The following RBFOX1 variants were observed in gnomAD, a reference collection of about 807,000 sequenced individuals.
RBFOX1 encodes the protein RNA binding fox-1 homolog 1, also known as RNA binding protein fox-1 homolog 1.
In RBFOX1, 8 loss-of-function variants were observed where a neutral mutation model predicts 57.7. That is an observed-to-expected ratio of 0.14 (90% CI 0.08 to 0.25). The LOEUF (loss-of-function observed/expected upper bound fraction) is 0.25. Ranked by LOEUF, RBFOX1 falls within the 10% of genes least tolerant of loss-of-function variation. RBFOX1 has a pLI of 1.00. For missense variants in RBFOX1, 611 were observed against 548.5 expected (o/e 1.11, Z -1.14); for synonymous variants, 326 against 222.4 (o/e 1.47, Z -4.15).
At chr16:7,537,765 A>T (rs1323771132) in intron 5 of RBFOX1, among the ~76,000 whole-genome samples, 3 of 152,214 alleles carry the variant, frequency 2.0e-5, no homozygotes, top group South Asian at 2.1e-4. Context: ...GAGACTAAGC[A>T]AACCCCGCCT....
chr16:6,370,241 C>T (rs2152890903), intron 2 of RBFOX1, among the ~76,000 whole-genome samples: 1 of 151,634 alleles, frequency 6.6e-6, no homozygotes, highest in African/African-American at 2.4e-5. Context: ...GGCTGTAGTC[C>T]CAGCTACTGG....
At chr16:6,736,002 CT>C (rs142024943) in intron 3 of RBFOX1, among the ~76,000 whole-genome samples, 151,750 of 151,754 alleles carry the variant, frequency 1, 75,873 homozygotes, top group Middle Eastern at 1. Context: ...GGGTAATTAA[CT>C]TCTTCTTTTT....
intron 4 of RBFOX1, among the ~76,000 whole-genome samples, chr16:7,152,305 T>C (rs191949799): frequency 1.5e-3 from 229 of 152,268 alleles, no homozygotes; most frequent in Admixed American, 1.8e-3. Flanking sequence ...GAAAGAGAGA[T>C]GTTGCTACCA....
At chr16:6,333,989 G>A (rs1307112895) in intron 2 of RBFOX1, among the ~76,000 whole-genome samples, 3 of 152,104 alleles carry the variant, frequency 2.0e-5, no homozygotes, top group African/African-American at 4.8e-5. Context: ...TTCTTTTTTG[G>A]TGGGGGTAGG....
intron 2 of RBFOX1, among the ~76,000 whole-genome samples, chr16:5,547,426 A>G (rs1050596562): frequency 6.6e-6 from 1 of 152,240 alleles, no homozygotes; most frequent in African/African-American, 2.4e-5. Flanking sequence ...ATGCAGCAGT[A>G]AAAAGGAATG....
chr16:5,437,067 G>C (rs1051085399), intron 1 of RBFOX1, among the ~76,000 whole-genome samples: 2 of 152,178 alleles, frequency 1.3e-5, no homozygotes, highest in African/African-American at 2.4e-5. Flanking sequence ...CTCATATCTA[G>C]AGTGTAGACT....
chr16:7,234,564 G>A (rs1346213196), intron 4 of RBFOX1, among the ~76,000 whole-genome samples: 1 of 150,660 alleles, frequency 6.6e-6, no homozygotes, highest in Non-Finnish European at 1.5e-5. Flanking sequence ...GAAGTCTTCT[G>A]TTGCAAATGA....
At chr16:6,444,424 T>C (rs1429150102) in intron 2 of RBFOX1, among the ~76,000 whole-genome samples, 2 of 152,114 alleles carry the variant, frequency 1.3e-5, no homozygotes, top group Non-Finnish European at 1.5e-5. Flanking sequence ...TGGGAGGGAA[T>C]TGAATCATGG....
intron 1 of RBFOX1, among the ~76,000 whole-genome samples, chr16:6,122,357 AACACACACACACACAC>A (rs61531585): frequency 1.8e-4 from 26 of 145,454 alleles, no homozygotes; most frequent in East Asian, 1.0e-3. Flanking sequence ...CTAAAAGATA[AACACACACACACACAC>A]ACACACACAC....
chr16:5,751,432 C>G (rs965304113), intron 3 of RBFOX1, among the ~76,000 whole-genome samples: 7 of 152,116 alleles, frequency 4.6e-5, no homozygotes, highest in African/African-American at 7.2e-5. Context: ...CCGTCTCCAC[C>G]CAATAGAGAA....
At position 6,562,320 on chromosome 16, in the gene RBFOX1, A is replaced by G. The variant is rs77674116; in HGVS notation, c.-63-92283A>G. On this transcript the variant is annotated intron_variant, in intron 2 of 15. Coordinates refer to ENST00000550418, the MANE Select transcript of RBFOX1 (RefSeq NM_018723.4). The stretch of plus-strand genomic sequence containing the variant: ...ATTGTACAGAACAGTCATTGTACAG[A>G]TAAGGCAACACTAGTATTCACTTTA... Among the ~76,000 whole-genome samples, 387 of 152,354 alleles carry G rather than the reference A, an allele frequency of 2.5e-3. 1 individual carries two copies. Among genetic ancestry groups the G allele is most frequent in the African/African-American group, 8.4e-3 (348 of 41,588 alleles).
At chr16:7,110,512 G>C (rs2064524672) in intron 4 of RBFOX1, among the ~76,000 whole-genome samples, 1 of 152,156 alleles carries the variant, frequency 6.6e-6, no homozygotes, top group Non-Finnish European at 1.5e-5. Flanking sequence ...CACAGTAGTT[G>C]CATAGTTGGT....
At chr16:6,665,145 A>G (rs2098723830) in intron 3 of RBFOX1, among the ~76,000 whole-genome samples, 1 of 152,210 alleles carries the variant, frequency 6.6e-6, no homozygotes, top group Non-Finnish European at 1.5e-5. Context: ...CACCAGCTGT[A>G]TTAACTCCCA....
At chr16:6,376,145 C>T (rs537359148) in intron 2 of RBFOX1, among the ~76,000 whole-genome samples, 3 of 152,288 alleles carry the variant, frequency 2.0e-5, no homozygotes, top group South Asian at 4.1e-4. Context: ...GTGGAAATTT[C>T]ATATCAATAT....
intron 3 of RBFOX1, among the ~76,000 whole-genome samples, chr16:6,767,374 C>T (rs6500818): frequency 0.11 from 17,175 of 152,072 alleles, 1,319 homozygotes; most frequent in African/African-American, 0.21. Context: ...TGTGGCCAAC[C>T]TCCTAGAAAG....
chr16:6,448,588 T>C (rs571026148), intron 2 of RBFOX1, among the ~76,000 whole-genome samples: 1 of 152,190 alleles, frequency 6.6e-6, no homozygotes, highest in African/African-American at 2.4e-5. Flanking sequence ...CCCTGTGCAG[T>C]TGTGACAACC....
At chr16:6,179,010 C>T (rs923015427) in intron 1 of RBFOX1, among the ~76,000 whole-genome samples, 3 of 152,172 alleles carry the variant, frequency 2.0e-5, no homozygotes, top group Non-Finnish European at 4.4e-5. Flanking sequence ...TTGTATACCA[C>T]TCAACAAGCC....
chr16:5,819,715 T>C lies in RBFOX1; in HGVS notation c.319-47588T>C, dbSNP rs973985708. 2.6e-5 allele frequency among the ~76,000 whole-genome samples: 4 copies of C among 152,228 alleles called. No homozygotes were observed. In the South Asian group the frequency reaches 6.2e-4, roughly 24 times the overall value. On this transcript the variant is annotated intron_variant, in intron 3 of 19. Coordinates refer to the RBFOX1 transcript ENST00000641259. ...CCTGGAATACCCTTTCCCTCTGCCA[T>C]GCCCACCAGGTGAATCACAGCTTAT...
At position 5,715,086 on chromosome 16, in the gene RBFOX1, CT is replaced by C. The variant is rs376871793; in HGVS notation, c.318+116127del. ...TCCAGTCTTTTGTTGACGCAGCCGCCTTGTTTAGCAAATGCTCAGTACCTTA... is the reference window on the plus strand; with the variant it reads ...TCCAGTCTTTTGTTGACGCAGCCGCCTGTTTAGCAAATGCTCAGTACCTTA... On this transcript the variant is annotated intron_variant, in intron 3 of 19. Coordinates refer to the RBFOX1 transcript ENST00000641259. Among the ~76,000 whole-genome samples, 14 of 152,336 alleles carry C rather than the reference CT, an allele frequency of 9.2e-5. No individual in the cohort carries two copies. The South Asian group carries it at 2.9e-3, about 32-fold the overall frequency.
Sources: gnomAD v4.1 joint callset for allele counts (sites outside exome capture counted in the v4.1 genomes callset) on GRCh38, gnomAD v4.1.1 for gene constraint, MANE v1.5 for transcripts, NCBI Gene and HGNC (gene_info 2026-07-23, HGNC 2026-07-21) for gene names.